ATF2: variants seen among roughly 807,000 people sequenced by gnomAD.
ATF2 encodes cyclic AMP-dependent transcription factor ATF-2.
Under a neutral mutation model 60.6 loss-of-function variants are expected in ATF2, and 24 were observed. The ratio of observed to expected loss-of-function variants is 0.40; its 90% CI spans 0.29 to 0.56. The LOEUF is 0.56. ATF2 is among the 20% of genes least tolerant of loss of function. The probability of loss-of-function intolerance (pLI) is 0.54; values close to 1 mark genes in which losing one functional copy is unlikely to be tolerated. For synonymous variants in ATF2, 206 were observed against 215.4 expected, an observed-to-expected ratio of 0.96 and a Z score of 0.38; for missense variants, 433 against 607.7, an observed-to-expected ratio of 0.71 and a Z score of 3.02.
chr2:175,084,802 A>T (rs945136202), intron 12 of ATF2, among the ~76,000 whole-genome samples: 1 of 152,050 alleles, frequency 6.6e-6, no homozygotes, highest in African/African-American at 2.4e-5. Flanking sequence ...CTTGCTTGCT[A>T]CCTCTACCAG....
At chr2:175,085,397 T>C (rs979632286) in intron 12 of ATF2, among the ~76,000 whole-genome samples, 1 of 152,122 alleles carries the variant, frequency 6.6e-6, no homozygotes, top group Non-Finnish European at 1.5e-5. Flanking sequence ...TAGCTGGGTC[T>C]GGTGGCGCAT....
intron 2 of ATF2, among the ~76,000 whole-genome samples, chr2:175,146,335 A>G (rs1215980281): frequency 2.6e-5 from 4 of 152,182 alleles, no homozygotes; most frequent in Admixed American, 2.0e-4. Flanking sequence ...TCCTTTTTCT[A>G]TGAAGTACAT....
intron 1 of ATF2, among the ~76,000 whole-genome samples, chr2:175,154,206 C>T (rs1457496272): frequency 6.8e-6 from 1 of 147,748 alleles, no homozygotes; most frequent in Non-Finnish European, 1.5e-5. Context: ...AAGAGCGAAA[C>T]TCCATCTCAA....
intron 2 of ATF2, among the ~76,000 whole-genome samples, chr2:175,143,286 GA>G (rs1251992928): frequency 1.3e-5 from 2 of 151,622 alleles, no homozygotes; most frequent in East Asian, 1.9e-4. Context: ...CTATGACAAT[GA>G]AAAAAAGAAG....
intron 4 of ATF2, 71 bp from the exon 5 acceptor site, chr2:175,121,611 T>G: frequency 8.4e-7 from 1 of 1,185,338 alleles, no homozygotes; most frequent in African/African-American, 1.6e-5. Context: ...ATTAGGAAAT[T>G]AATTTCCACA....
intron 12 of ATF2, 24 bp from the exon 13 acceptor site, chr2:175,080,789 C>T: frequency 6.4e-7 from 1 of 1,561,676 alleles, no homozygotes; most frequent in East Asian, 2.2e-5. Flanking sequence ...AACTTATGTA[C>T]CTTACCACAG....
intron 4 of ATF2, among the ~76,000 whole-genome samples, chr2:175,128,457 G>T (rs1207393016): frequency 6.6e-6 from 1 of 151,022 alleles, no homozygotes; most frequent in East Asian, 1.9e-4. Context: ...CCGAGATTGT[G>T]CCATTGCACT....
chr2:175,142,718 A>T (rs62184520), intron 2 of ATF2, among the ~76,000 whole-genome samples: 11,730 of 112,716 alleles, frequency 0.1, 417 homozygotes, highest in Admixed American at 0.14. Flanking sequence ...AGAGAGAGAG[A>T]GAGTGTGTGT....
chr2:175,131,822 G>A (rs1323930506), intron 3 of ATF2, among the ~76,000 whole-genome samples: 2 of 152,066 alleles, frequency 1.3e-5, no homozygotes, highest in African/African-American at 4.8e-5. Context: ...CCCAAAGAAC[G>A]TTTTTGTTTA....
intron 10 of ATF2, among the ~76,000 whole-genome samples, chr2:175,098,745 ATACCAG>A (rs1559063926): frequency 6.6e-6 from 1 of 152,190 alleles, no homozygotes; most frequent in African/African-American, 2.4e-5. Flanking sequence ...CCCCCAAATA[ATACCAG>A]TACAAGTATT....
At chr2:175,124,717 G>C (rs963467893) in intron 4 of ATF2, among the ~76,000 whole-genome samples, 1 of 151,724 alleles carries the variant, frequency 6.6e-6, no homozygotes, top group Non-Finnish European at 1.5e-5. Flanking sequence ...TGTCACTTTA[G>C]ACTAAATATA....
At chr2:175,121,743 A>T (rs536855423) in intron 4 of ATF2, among the ~76,000 whole-genome samples, 23 of 151,714 alleles carry the variant, frequency 1.5e-4, no homozygotes, top group Admixed American at 3.3e-4. Context: ...CTCAAGAATA[A>T]GCAATACTGA....
chr2:175,145,583 T>C (rs771090520), intron 2 of ATF2, among the ~76,000 whole-genome samples: 9 of 152,162 alleles, frequency 5.9e-5, no homozygotes, highest in Non-Finnish European at 1.2e-4. Context: ...CAGGTATTTC[T>C]TTATAGCAAT....
At chr2:175,075,843 T>C (rs1693253729) in intron 13 of ATF2, among the ~76,000 whole-genome samples, 1 of 152,186 alleles carries the variant, frequency 6.6e-6, no homozygotes, top group Admixed American at 6.5e-5. Context: ...CCCTAAACAA[T>C]ATAGTTCAGC....
chr2:175,088,647 C>A (rs1694332775), intron 12 of ATF2, among the ~76,000 whole-genome samples: 1 of 151,860 alleles, frequency 6.6e-6, no homozygotes, highest in African/African-American at 2.4e-5. Flanking sequence ...TTTGCACCAA[C>A]CTAATATAAC....
At chr2:175,077,749 T>G (rs1351692676) in intron 13 of ATF2, among the ~76,000 whole-genome samples, 2 of 152,138 alleles carry the variant, frequency 1.3e-5, no homozygotes, top group Non-Finnish European at 2.9e-5. Flanking sequence ...ATTATGTAAT[T>G]ATAAACCTTA....
chr2:175,132,533 G>A (rs535399311), intron 3 of ATF2, among the ~76,000 whole-genome samples: 46 of 152,192 alleles, frequency 3.0e-4, no homozygotes, highest in Middle Eastern at 3.4e-3. Context: ...CCTTTTGCTC[G>A]TATTTTAAGA....
At chr2:175,148,091 A>G (rs1171841569) in intron 2 of ATF2, 1 of 151,144 alleles carries the variant, frequency 6.6e-6, no homozygotes, top group Non-Finnish European at 1.5e-5. Context: ...AAAAAAAACT[A>G]ATAAAAGCCA....
chr2:175,095,305 T>C (rs1574349576), intron 11 of ATF2, among the ~76,000 whole-genome samples: 1 of 151,976 alleles, frequency 6.6e-6, no homozygotes, highest in East Asian at 1.9e-4. Flanking sequence ...CACCAGGTTG[T>C]GGTCTCGAAC....
Sources: allele counts gnomAD v4.1 joint callset (sites outside exome capture counted in the v4.1 genomes callset), GRCh38; gene constraint gnomAD v4.1.1; transcripts MANE v1.5; gene names NCBI Gene and HGNC (gene_info 2026-07-23, HGNC 2026-07-21).